Variants in ITCH observed in about 807,000 individuals in gnomAD.
ITCH encodes the protein E3 ubiquitin-protein ligase Itchy homolog.
Under a neutral mutation model 126.8 loss-of-function variants are expected in ITCH, and 28 were observed. The ratio of observed to expected loss-of-function variants is 0.22; its 90% CI spans 0.16 to 0.30. ITCH has a LOEUF of 0.30. ITCH is among the 10% of genes least tolerant of loss of function. The pLI is 1.00. For synonymous variants in ITCH, 342 were observed against 340.0 expected (o/e 1.01, Z -0.06); for missense variants, 631 against 1,032.4 (o/e 0.61, Z 5.33).
At chr20:34,372,284 G>A (rs1181163050) in intron 2 of ITCH, among the ~76,000 whole-genome samples, 2 of 112,278 alleles carry the variant, frequency 1.8e-5, no homozygotes, top group Admixed American at 1.1e-4. Context: ...CAGCCTGGGC[G>A]ACAGAGTGAC....
rs548777285 is a variant in ITCH at position 34,426,553 on chromosome 20, C to T, written c.521+2028C>T. Among the ~76,000 whole-genome samples, 191 of 151,768 alleles carry T rather than the reference C, an allele frequency of 1.3e-3. 2 individuals are homozygous for T. The highest frequency in any genetic ancestry group is 4.4e-3 in the African/African-American group (183 of 41,408). On this transcript the variant is annotated intron_variant, in intron 7 of 24. Coordinates refer to ENST00000374864, the MANE Select transcript of ITCH (RefSeq NM_031483.7). ...CTCCATCTCCCGGGTTCAAGCGATT[C>T]TCTTGCCTTAGCCTCTTGTGTAGCT...
intron 23 of ITCH, among the ~76,000 whole-genome samples, chr20:34,495,708 C>T (rs1408188763): frequency 6.6e-6 from 1 of 151,984 alleles, no homozygotes. Flanking sequence ...TAAGTTGATT[C>T]CCTATCTTGG....
intron 23 of ITCH, among the ~76,000 whole-genome samples, chr20:34,502,963 G>A (rs1990354965): frequency 6.6e-6 from 1 of 152,174 alleles, no homozygotes; most frequent in Non-Finnish European, 1.5e-5. Flanking sequence ...ATTGAGCCAA[G>A]ATTGTGCCAC....
At chr20:34,471,397 G>A (rs6142183) in intron 15 of ITCH, 47 bp from the exon 16 acceptor site, 1 of 1,085,858 alleles carries the variant, frequency 9.2e-7, no homozygotes, top group Non-Finnish European at 1.4e-6. Flanking sequence ...TTTTTTGATA[G>A]GCTATTTTAA....
At position 34,511,577 on chromosome 20, in the gene ITCH, C is replaced by G. The variant is rs939430410; in HGVS notation, c.*3783C>G. ...CCAGACCAAATCAAGGGTTGGACTG[C>G]TTATTCTCGCAGCCCAATAATGAGG... On this transcript the variant is annotated 3_prime_UTR_variant, in exon 25 of 25. Transcript: ENST00000374864. 6.6e-6 allele frequency among the ~76,000 whole-genome samples: 1 copy of G among 152,126 alleles called. No homozygotes were observed. Among genetic ancestry groups the G allele is most frequent in the Non-Finnish European group, 1.5e-5 (1 of 68,026 alleles).
At chr20:34,482,901 T>C (rs1285265601) in intron 20 of ITCH, among the ~76,000 whole-genome samples, 1 of 152,190 alleles carries the variant, frequency 6.6e-6, no homozygotes, top group East Asian at 1.9e-4. Flanking sequence ...TCCATACGTC[T>C]TCTGAAATCT....
At chr20:34,421,357 G>T (rs917130325) in intron 6 of ITCH, among the ~76,000 whole-genome samples, 1 of 152,166 alleles carries the variant, frequency 6.6e-6, no homozygotes, top group Non-Finnish European at 1.5e-5. Context: ...TTATCTAGGA[G>T]CTAGTTATTT....
At chr20:34,437,542 A>G (rs539732393) in intron 7 of ITCH, among the ~76,000 whole-genome samples, 1 of 152,320 alleles carries the variant, frequency 6.6e-6, no homozygotes, top group South Asian at 2.1e-4. Context: ...CCTGCGCTTA[A>G]GTGATCCTTT....
intron 23 of ITCH, among the ~76,000 whole-genome samples, chr20:34,497,853 C>G (rs968489247): frequency 1.3e-5 from 2 of 152,240 alleles, no homozygotes; most frequent in Admixed American, 6.5e-5. Flanking sequence ...GATGGGATTA[C>G]AGGCATGAGC....
chr20:34,426,685 A>T (rs537529115), intron 7 of ITCH, among the ~76,000 whole-genome samples: 26 of 152,060 alleles, frequency 1.7e-4, no homozygotes, highest in African/African-American at 6.0e-4. Flanking sequence ...TCCTGATCTC[A>T]AGTGATCTGC....
At chr20:34,502,928 C>G (rs1232649032) in intron 23 of ITCH, among the ~76,000 whole-genome samples, 1 of 152,068 alleles carries the variant, frequency 6.6e-6, no homozygotes, top group Non-Finnish European at 1.5e-5. Context: ...ATGAGAATTG[C>G]TTGAACCCAG....
At chr20:34,376,981 T>C (rs927908873) in intron 2 of ITCH, among the ~76,000 whole-genome samples, 2 of 152,208 alleles carry the variant, frequency 1.3e-5, no homozygotes, top group African/African-American at 4.8e-5. Context: ...CTTTTCATGT[T>C]GTGAATCTTG....
intron 6 of ITCH, among the ~76,000 whole-genome samples, chr20:34,422,804 T>G (rs1019370670): frequency 1.8e-4 from 27 of 152,142 alleles, no homozygotes; most frequent in Non-Finnish European, 3.1e-4. Flanking sequence ...TCTGTATTTT[T>G]TTTTTTTTGA....
At chr20:34,444,359 G>A (rs1434311429) in intron 10 of ITCH, among the ~76,000 whole-genome samples, 1 of 152,094 alleles carries the variant, frequency 6.6e-6, no homozygotes, top group Non-Finnish European at 1.5e-5. Flanking sequence ...CGAGGTGGGC[G>A]GATCACCTGA....
chr20:34,463,706 G>A (rs903537885), intron 14 of ITCH, among the ~76,000 whole-genome samples: 6 of 149,850 alleles, frequency 4.0e-5, no homozygotes, highest in Non-Finnish European at 8.9e-5. Context: ...AATGGTTTGT[G>A]ATGTTGAGTA....
intron 11 of ITCH, among the ~76,000 whole-genome samples, chr20:34,446,843 A>G (rs1038589854): frequency 6.6e-6 from 1 of 152,200 alleles, no homozygotes; most frequent in Non-Finnish European, 1.5e-5. Flanking sequence ...CTTTCTCCAT[A>G]TGACTTTGAG....
At position 34,489,253 on chromosome 20, in the gene ITCH, A is replaced by G; in HGVS notation, c.2094-13A>G. The G allele has an allele frequency of 2.5e-6, 4 of 1,612,514 alleles. No individual in the cohort carries two copies. Among genetic ancestry groups the G allele is most frequent in the Non-Finnish European group, 3.4e-6 (4 of 1,178,848 alleles). On this transcript the variant is annotated splice_polypyrimidine_tract_variant and intron_variant, in intron 20 of 24. Transcript: ENST00000374864. Reference sequence around the variant, plus strand: ...TAAACTTCCTGATAGGTTTTTTCATATTTGTTTGCCAGAATGGTAGCTGAG... The same window carrying G: ...TAAACTTCCTGATAGGTTTTTTCATGTTTGTTTGCCAGAATGGTAGCTGAG...
intron 2 of ITCH, among the ~76,000 whole-genome samples, chr20:34,378,922 A>G (rs2037948934): frequency 2.0e-5 from 3 of 152,162 alleles, no homozygotes; most frequent in Admixed American, 2.0e-4. Context: ...GGATGTACTA[A>G]TCTCTGTGTT....
intron 13 of ITCH, among the ~76,000 whole-genome samples, chr20:34,459,517 A>AT (rs1378466944): frequency 6.6e-6 from 1 of 152,208 alleles, no homozygotes; most frequent in Non-Finnish European, 1.5e-5. Flanking sequence ...AAACAAAGAT[A>AT]TTCCCAATAC....
Sources: gnomAD v4.1 joint callset for allele counts (sites outside exome capture counted in the v4.1 genomes callset) on GRCh38, gnomAD v4.1.1 for gene constraint, MANE v1.5 for transcripts, NCBI Gene and HGNC (gene_info 2026-07-23, HGNC 2026-07-21) for gene names.